The following THRB variants were observed in gnomAD, a reference collection of about 807,000 sequenced individuals.
THRB encodes the protein thyroid hormone receptor beta, also known as nuclear receptor subfamily 1 group A member 2.
THRB carries 12 observed loss-of-function variants against 47.8 expected under a neutral mutation model. That is an observed-to-expected ratio of 0.25 (90% CI 0.16 to 0.41). The LOEUF (loss-of-function observed/expected upper bound fraction) is 0.41, where lower values mean the gene tolerates loss of function less well. Among genes scored for constraint, THRB ranks in the 10% least tolerant of loss-of-function variants. THRB has a pLI of 1.00. For missense variants in THRB, 348 were observed against 589.2 expected (o/e 0.59, Z 4.24); for synonymous variants, 218 against 212.2 (o/e 1.03, Z -0.24).
At chr3:24,470,014 TG>T (rs1266320473) in intron 1 of THRB, among the ~76,000 whole-genome samples, 1 of 152,204 alleles carries the variant, frequency 6.6e-6, no homozygotes, top group Non-Finnish European at 1.5e-5. Flanking sequence ...TATCCATGAC[TG>T]TTCTTCTAGA....
intron 1 of THRB, among the ~76,000 whole-genome samples, chr3:24,429,539 C>T (rs971911109): frequency 6.6e-6 from 1 of 151,948 alleles, no homozygotes; most frequent in Non-Finnish European, 1.5e-5. Context: ...GAGCTCTGTC[C>T]TGTCAAAAAA....
chr3:24,396,347 T>C (rs888382082), intron 1 of THRB, among the ~76,000 whole-genome samples: 4 of 151,202 alleles, frequency 2.6e-5, no homozygotes, highest in South Asian at 2.1e-4. Flanking sequence ...ATTTTTTCTT[T>C]GTGCAGGTGA....
In THRB at chr3:24,450,407, C is replaced by T. The variant is rs185417249; in HGVS notation, c.-261+44245G>A. On this transcript the variant is annotated intron_variant, in intron 1 of 10. Coordinates refer to ENST00000646209, the MANE Select transcript of THRB (RefSeq NM_001354712.2). Reference sequence around the variant, plus strand: ...TTTATTTCCTCTGAACATTTACTTACGAGTGTCAAAGTCTGAAAGAAACCT... The same window carrying T: ...TTTATTTCCTCTGAACATTTACTTATGAGTGTCAAAGTCTGAAAGAAACCT... Among the ~76,000 whole-genome samples the T allele has an allele frequency of 1.1e-3, 172 of 152,284 alleles. 1 individual carries two copies. The highest frequency in any genetic ancestry group is 3.9e-3 in the African/African-American group (163 of 41,560).
intron 1 of THRB, among the ~76,000 whole-genome samples, chr3:24,483,281 T>C (rs1365225006): frequency 2.0e-5 from 3 of 152,126 alleles, no homozygotes; most frequent in Non-Finnish European, 4.4e-5. Context: ...AAAGTGTGTG[T>C]CCCATTATAG....
chr3:24,444,046 C>T (rs1173332716), intron 1 of THRB, among the ~76,000 whole-genome samples: 1 of 151,956 alleles, frequency 6.6e-6, no homozygotes, highest in Non-Finnish European at 1.5e-5. Flanking sequence ...TAAAAATTCT[C>T]AGCATATTAG....
chr3:24,269,397 GCGCGCGCACACACA>G (rs1410647924), intron 3 of THRB, among the ~76,000 whole-genome samples: 18 of 113,808 alleles, frequency 1.6e-4, no homozygotes, highest in Middle Eastern at 4.2e-3. Flanking sequence ...ACGCGCGCGC[GCGCGCGCACACACA>G]CACACACACA....
At chr3:24,313,521 C>T (rs2057901257) in intron 2 of THRB, among the ~76,000 whole-genome samples, 1 of 152,116 alleles carries the variant, frequency 6.6e-6, no homozygotes, top group South Asian at 2.1e-4. Flanking sequence ...TTACCAAAAG[C>T]CATTGAAAAA....
intron 4 of THRB, among the ~76,000 whole-genome samples, chr3:24,224,956 C>T (rs1463495694): frequency 6.6e-6 from 1 of 152,096 alleles, no homozygotes; most frequent in African/African-American, 2.4e-5. Flanking sequence ...CTAAATTGCC[C>T]TATGCTGTTG....
At chr3:24,460,430 C>T (rs2073592235) in intron 1 of THRB, among the ~76,000 whole-genome samples, 3 of 152,168 alleles carry the variant, frequency 2.0e-5, no homozygotes, top group Admixed American at 2.0e-4. Flanking sequence ...ATTCAAACCA[C>T]TGTGTTGGGT....
At chr3:24,478,633 G>A (rs1695848648) in intron 1 of THRB, among the ~76,000 whole-genome samples, 1 of 152,120 alleles carries the variant, frequency 6.6e-6, no homozygotes, top group Non-Finnish European at 1.5e-5. Context: ...GAGAGACAGA[G>A]TACAAGTGTA....
chr3:24,259,617 T>A (rs2051718883), intron 3 of THRB, among the ~76,000 whole-genome samples: 1 of 108,572 alleles, frequency 9.2e-6, no homozygotes, highest in South Asian at 3.2e-4. Flanking sequence ...TAGCTCTGCT[T>A]ACCTTTTTTT....
chr3:24,162,038 TC>T (rs1387964207), intron 5 of THRB, among the ~76,000 whole-genome samples: 1 of 151,794 alleles, frequency 6.6e-6, no homozygotes, highest in African/African-American at 2.4e-5. Flanking sequence ...ACCCGGCTGG[TC>T]CAGACTAAAT....
At chr3:24,248,473 C>A (rs2050329456) in intron 3 of THRB, among the ~76,000 whole-genome samples, 1 of 151,554 alleles carries the variant, frequency 6.6e-6, no homozygotes. Flanking sequence ...AGTTTTTGAC[C>A]CAAAAGCTGG....
chr3:24,247,508 A>G (rs570443873), intron 3 of THRB, among the ~76,000 whole-genome samples: 2 of 152,300 alleles, frequency 1.3e-5, no homozygotes, highest in South Asian at 2.1e-4. Flanking sequence ...AAGAATTTTA[A>G]AGTGGGAGAG....
intron 3 of THRB, among the ~76,000 whole-genome samples, chr3:24,289,195 A>C (rs2055662421): frequency 6.6e-6 from 1 of 152,174 alleles, no homozygotes; most frequent in African/African-American, 2.4e-5. Context: ...AATACTAAGG[A>C]ATTTTTAAAG....
chr3:24,363,997 C>T (rs1028761090), intron 1 of THRB, among the ~76,000 whole-genome samples: 4 of 152,080 alleles, frequency 2.6e-5, no homozygotes, highest in South Asian at 2.1e-4. Context: ...AGAAGTAATA[C>T]AAGGTTCAAT....
At chr3:24,378,207 A>G (rs1339987136) in intron 1 of THRB, among the ~76,000 whole-genome samples, 2 of 152,148 alleles carry the variant, frequency 1.3e-5, no homozygotes, top group African/African-American at 4.8e-5. Flanking sequence ...TCCAGTTCCC[A>G]CTTTCTAATG....
chr3:24,313,361 T>C (rs1253878983), intron 2 of THRB, among the ~76,000 whole-genome samples: 1 of 152,196 alleles, frequency 6.6e-6, no homozygotes, highest in Non-Finnish European at 1.5e-5. Context: ...GCCTTGGATG[T>C]AGTGCTCCAT....
At position 24,190,334 on chromosome 3, in the gene THRB, T is replaced by G. The variant is rs2043178862; in HGVS notation, c.23A>C (p.Glu8Ala). 6.2e-7 allele frequency: 1 copy of G among 1,614,002 alleles called. No homozygotes were observed. The change falls in exon 5 of 11, where the codon GAA becomes GCA. Residue 8 changes from glutamate to alanine, a missense_variant and splice_region_variant. Coordinates refer to ENST00000646209, the MANE Select transcript of THRB (RefSeq NM_001354712.2). ...TTTGTCCCAGGCTGTAAGGCCATTTTCTAAAGGGTTGAAAAACACGAGATG... is the reference window on the plus strand; with the variant it reads ...TTTGTCCCAGGCTGTAAGGCCATTTGCTAAAGGGTTGAAAAACACGAGATG... Reference protein sequence around the residue: MTPNSMTENGLTAWDKPK... With the variant: MTPNSMTANGLTAWDKPK...
Sources: allele counts gnomAD v4.1 joint callset (sites outside exome capture counted in the v4.1 genomes callset), GRCh38; gene constraint gnomAD v4.1.1; transcripts MANE v1.5; gene names NCBI Gene and HGNC (gene_info 2026-07-23, HGNC 2026-07-21).